EYS: variants seen among roughly 807,000 people sequenced by gnomAD.
EYS encodes the protein protein eyes shut homolog.
A neutral mutation model predicts 282.1 loss-of-function variants in EYS; 250 were observed. The observed-to-expected ratio is 0.89, with a 90% CI of 0.80 to 0.98. EYS has a LOEUF of 0.98. EYS is among the 50% of genes least tolerant of loss of function. The pLI, the probability that EYS is intolerant of heterozygous loss-of-function variation, is 0.00. For missense variants in EYS, 4,016 were observed against 3,709.0 expected (o/e 1.08, Z -2.15); for synonymous variants, 1,355 against 1,282.9 (o/e 1.06, Z -1.20).
chr6:64,391,275 C>G (rs1284690283), intron 28 of EYS, among the ~76,000 whole-genome samples: 1 of 151,432 alleles, frequency 6.6e-6, no homozygotes, highest in Non-Finnish European at 1.5e-5. Flanking sequence ...ATACAGAGAA[C>G]GCCACAAAGA....
intron 22 of EYS, among the ~76,000 whole-genome samples, chr6:64,680,834 G>T (rs569153446): frequency 6.6e-6 from 1 of 152,014 alleles, no homozygotes; most frequent in African/African-American, 2.4e-5. Flanking sequence ...TTTGCCCCGG[G>T]GAAAACACAG....
At chr6:65,706,420 T>C (rs1026916633) in intron 1 of EYS, among the ~76,000 whole-genome samples, 1 of 152,124 alleles carries the variant, frequency 6.6e-6, no homozygotes, top group Non-Finnish European at 1.5e-5. Context: ...ATAAATCTTA[T>C]TGAACCATAA....
chr6:64,910,130 G>A (rs577166999), intron 16 of EYS, among the ~76,000 whole-genome samples: 1 of 152,212 alleles, frequency 6.6e-6, no homozygotes, highest in South Asian at 2.1e-4. Context: ...CTTACAAAGA[G>A]ATCCAGTGGA....
At chr6:63,781,839 G>A (rs982484357) in intron 39 of EYS, among the ~76,000 whole-genome samples, 1 of 152,046 alleles carries the variant, frequency 6.6e-6, no homozygotes, top group African/African-American at 2.4e-5. Flanking sequence ...GTTTTCAAAG[G>A]GGATCCTTTC....
At chr6:65,350,569 G>T (rs189872391) in intron 9 of EYS, among the ~76,000 whole-genome samples, 1 of 151,638 alleles carries the variant, frequency 6.6e-6, no homozygotes, top group African/African-American at 2.4e-5. Flanking sequence ...AGAAGAAAGA[G>T]ATTTAAAAGA....
chr6:64,698,829 T>C (rs921321513), intron 22 of EYS, among the ~76,000 whole-genome samples: 1 of 152,106 alleles, frequency 6.6e-6, no homozygotes, highest in African/African-American at 2.4e-5. Context: ...CAAAATAACA[T>C]GCTGGCAAGG....
At chr6:65,632,640 G>C (rs1354169641) in intron 2 of EYS, among the ~76,000 whole-genome samples, 1 of 152,150 alleles carries the variant, frequency 6.6e-6, no homozygotes, top group African/African-American at 2.4e-5. Flanking sequence ...TGTGGTTTTT[G>C]AGCAGAAGAA....
At chr6:65,117,965 C>A (rs1775427438) in intron 12 of EYS, among the ~76,000 whole-genome samples, 1 of 151,942 alleles carries the variant, frequency 6.6e-6, no homozygotes, top group Admixed American at 6.6e-5. Flanking sequence ...AAAAGGAAGG[C>A]AAAACTTGAA....
At chr6:63,949,091 C>G (rs1157394034) in intron 35 of EYS, among the ~76,000 whole-genome samples, 3 of 152,086 alleles carry the variant, frequency 2.0e-5, no homozygotes, top group Admixed American at 6.6e-5. Flanking sequence ...AGCTCAAAGA[C>G]TAACAGAAAA....
At chr6:65,632,780 T>C (rs7745805) in intron 2 of EYS, among the ~76,000 whole-genome samples, 41,375 of 152,060 alleles carry the variant, frequency 0.27, 7,445 homozygotes, top group African/African-American at 0.52. Context: ...AAACAAAGAA[T>C]TGAAAAACTA....
chr6:64,904,010 T>C (rs1467562763), intron 16 of EYS, among the ~76,000 whole-genome samples: 1 of 152,112 alleles, frequency 6.6e-6, no homozygotes, highest in Non-Finnish European at 1.5e-5. Flanking sequence ...GCCACACATA[T>C]CAAAAGTTAT....
chr6:63,973,046 T>A (rs1455943715), intron 35 of EYS, among the ~76,000 whole-genome samples: 10 of 152,172 alleles, frequency 6.6e-5, no homozygotes, highest in Admixed American at 6.5e-4. Context: ...CATGCTACTA[T>A]TTATAATCCT....
chr6:64,558,942 T>C (rs1334613372), intron 26 of EYS, among the ~76,000 whole-genome samples: 1 of 152,190 alleles, frequency 6.6e-6, no homozygotes, highest in African/African-American at 2.4e-5. Flanking sequence ...GTTAATGCAG[T>C]GTGTCTTTGA....
chr6:65,602,451 G>A (rs550994983), intron 2 of EYS, among the ~76,000 whole-genome samples: 19 of 151,946 alleles, frequency 1.3e-4, no homozygotes, highest in African/African-American at 4.6e-4. Flanking sequence ...ATTAAATAAT[G>A]TATAATTCCA....
intron 8 of EYS, among the ~76,000 whole-genome samples, chr6:65,377,073 T>A (rs1340493683): frequency 6.6e-6 from 1 of 152,154 alleles, no homozygotes; most frequent in Non-Finnish European, 1.5e-5. Flanking sequence ...GAATATACAT[T>A]TTTATCAGCA....
At chr6:63,843,552 T>A (rs954209618) in intron 36 of EYS, among the ~76,000 whole-genome samples, 1 of 152,230 alleles carries the variant, frequency 6.6e-6, no homozygotes. Flanking sequence ...ATTCCAACAC[T>A]CCTTCATGCT....
chr6:64,081,793 T>G, intron 32 of EYS, 63 bp downstream of exon 32: 2 of 1,255,596 alleles, frequency 1.6e-6, no homozygotes, highest in Non-Finnish European at 2.2e-6. Flanking sequence ...AAATCATTGA[T>G]TCAATAGATC....
At chr6:65,009,489 T>G (rs1771796253) in intron 13 of EYS, among the ~76,000 whole-genome samples, 1 of 152,138 alleles carries the variant, frequency 6.6e-6, no homozygotes, top group African/African-American at 2.4e-5. Context: ...GATGTCTTTT[T>G]CTGCATCCCT....
intron 22 of EYS, among the ~76,000 whole-genome samples, chr6:64,806,059 C>T (rs1764412622): frequency 6.6e-6 from 1 of 151,420 alleles, no homozygotes; most frequent in African/African-American, 2.4e-5. Context: ...AATAAGAATA[C>T]ATTAAAAAAT....
Sources: allele counts gnomAD v4.1 joint callset (sites outside exome capture counted in the v4.1 genomes callset), GRCh38; gene constraint gnomAD v4.1.1; transcripts MANE v1.5; gene names NCBI Gene and HGNC (gene_info 2026-07-23, HGNC 2026-07-21).